The following PRKAR2A variants were observed in gnomAD, a reference collection of about 807,000 sequenced individuals.
PRKAR2A encodes the protein protein kinase cAMP-dependent type II regulatory subunit alpha, also known as cAMP-dependent protein kinase type II-alpha regulatory subunit.
In PRKAR2A, 29 loss-of-function variants were observed where a neutral mutation model predicts 51.9. The ratio of observed to expected loss-of-function variants is 0.56; its 90% CI spans 0.42 to 0.76. The LOEUF (loss-of-function observed/expected upper bound fraction) is 0.76. Ranked by LOEUF, PRKAR2A falls within the 30% of genes least tolerant of loss-of-function variation. The pLI, the probability that PRKAR2A is intolerant of heterozygous loss-of-function variation, is 0.00. For synonymous variants in PRKAR2A, 178 were observed against 186.2 expected, an observed-to-expected ratio of 0.96 and a Z score of 0.36; for missense variants, 445 against 512.1, an observed-to-expected ratio of 0.87 and a Z score of 1.26.
intron 1 of PRKAR2A, among the ~76,000 whole-genome samples, chr3:48,840,789 G>T (rs1393061331): frequency 6.7e-6 from 1 of 150,112 alleles, no homozygotes; most frequent in Non-Finnish European, 1.5e-5. Flanking sequence ...TGTTAGCCAG[G>T]ATGGTCTCAA....
chr3:48,831,619 A>AT (rs1352324253), intron 1 of PRKAR2A, among the ~76,000 whole-genome samples: 1 of 119,926 alleles, frequency 8.3e-6, no homozygotes, highest in East Asian at 3.4e-4. Flanking sequence ...TCGAAAAAAT[A>AT]TTTTTTCTTT....
chr3:48,744,945 G>A (rs2081544430), downstream of PRKAR2A, among the ~76,000 whole-genome samples: 1 of 151,582 alleles, frequency 6.6e-6, no homozygotes, highest in African/African-American at 2.4e-5. Context: ...CGCAATCTTG[G>A]TTCACTGCAA....
chr3:48,803,838 T>C (rs2082628295), intron 2 of PRKAR2A, among the ~76,000 whole-genome samples: 1 of 152,120 alleles, frequency 6.6e-6, no homozygotes, highest in Non-Finnish European at 1.5e-5. Flanking sequence ...TGAAACCTCG[T>C]TTCTACTAAA....
intron 2 of PRKAR2A, among the ~76,000 whole-genome samples, chr3:48,795,378 GA>G (rs545292165): frequency 7.9e-5 from 12 of 151,686 alleles, no homozygotes; most frequent in Admixed American, 2.6e-4. Context: ...GAAGTACAAA[GA>G]AAAAAAACCT....
intron 1 of PRKAR2A, among the ~76,000 whole-genome samples, chr3:48,833,710 C>CAAAA: frequency 1.1e-5 from 1 of 88,582 alleles, no homozygotes; most frequent in South Asian, 3.6e-4. Flanking sequence ...GACTTGGTCT[C>CAAAA]AAAAAAAAAA....
At chr3:48,774,293 T>C (rs2082073602) in intron 5 of PRKAR2A, among the ~76,000 whole-genome samples, 1 of 152,112 alleles carries the variant, frequency 6.6e-6, no homozygotes, top group Non-Finnish European at 1.5e-5. Flanking sequence ...TCATTTCATG[T>C]CCTCTCTTCT....
At position 48,751,622 on chromosome 3, in the gene PRKAR2A, A is replaced by G. The variant is rs780266948; in HGVS notation, c.1178T>C (p.Phe393Ser). ...SHYEEQLVKM[F>S]GSSVDLGNLG... ...GTTGCCCAGATCCACGCTGGAGCCAAACATCTTCACCAGCTGTTCCTCATA... is the reference window on the plus strand; with the variant it reads ...GTTGCCCAGATCCACGCTGGAGCCAGACATCTTCACCAGCTGTTCCTCATA... Residue 393 changes from phenylalanine to serine, a missense_variant, in exon 11 of 11, where the codon TTT (phenylalanine) becomes TCT (serine). Coordinates refer to ENST00000265563, the MANE Select transcript of PRKAR2A (RefSeq NM_004157.4). The G allele has an allele frequency of 3.7e-6, 6 of 1,613,710 alleles. No individual in the cohort carries two copies. The highest frequency in any genetic ancestry group is 5.1e-6 in the Non-Finnish European group (6 of 1,179,802).
At chr3:48,790,990 T>C (rs375082564) in intron 3 of PRKAR2A, among the ~76,000 whole-genome samples, 3 of 151,606 alleles carry the variant, frequency 2.0e-5, no homozygotes, top group African/African-American at 4.8e-5. Context: ...CCAGAAATAA[T>C]AGATGTTAAA....
intron 1 of PRKAR2A, among the ~76,000 whole-genome samples, chr3:48,811,416 A>G (rs1437175062): frequency 3.3e-5 from 5 of 152,314 alleles, no homozygotes; most frequent in African/African-American, 9.6e-5. Context: ...TCAAGGTTGC[A>G]GTGAACTGCA....
At chr3:48,759,690 T>C (rs1245886756) in intron 8 of PRKAR2A, among the ~76,000 whole-genome samples, 1 of 152,178 alleles carries the variant, frequency 6.6e-6, no homozygotes. Context: ...CCCGGCCAAG[T>C]ATCCTGCTTT....
chr3:48,760,790 G>A (rs1210005346), intron 8 of PRKAR2A, among the ~76,000 whole-genome samples: 2 of 148,778 alleles, frequency 1.3e-5, no homozygotes, highest in East Asian at 4.0e-4. Flanking sequence ...AGCTGAGATC[G>A]TGGCATTGCA....
chr3:48,764,375 G>A (rs1445309489), intron 8 of PRKAR2A, among the ~76,000 whole-genome samples: 1 of 152,136 alleles, frequency 6.6e-6, no homozygotes, highest in Non-Finnish European at 1.5e-5. Flanking sequence ...GTCAAATATA[G>A]AAAGTTAGAG....
intron 5 of PRKAR2A, 149 bp from the exon 6 acceptor site, chr3:48,773,257 C>A: frequency 1.7e-6 from 1 of 604,084 alleles, no homozygotes; most frequent in Non-Finnish European, 2.7e-6. Context: ...TGTATTTTGA[C>A]TTTGTACTGT....
chr3:48,768,928 A>G (rs1427200738), intron 6 of PRKAR2A, among the ~76,000 whole-genome samples: 1 of 151,888 alleles, frequency 6.6e-6, no homozygotes, highest in East Asian at 2.0e-4. Flanking sequence ...GTGAATTCCC[A>G]TCTCTACCAA....
At chr3:48,762,840 C>T (rs759983439) in intron 8 of PRKAR2A, among the ~76,000 whole-genome samples, 7 of 152,010 alleles carry the variant, frequency 4.6e-5, no homozygotes, top group African/African-American at 7.2e-5. Context: ...ACATACAACA[C>T]GAATAAATCT....
chr3:48,765,763 A>G (rs966978853), intron 6 of PRKAR2A, among the ~76,000 whole-genome samples: 6 of 148,284 alleles, frequency 4.0e-5, no homozygotes, highest in Non-Finnish European at 7.4e-5. Context: ...CACCTCACCA[A>G]AAGAGAGAAT....
At chr3:48,829,870 TA>T (rs1281195952) in intron 1 of PRKAR2A, among the ~76,000 whole-genome samples, 722 of 71,812 alleles carry the variant, frequency 0.01, 1 homozygote, top group African/African-American at 0.023. Flanking sequence ...TATATATATA[TA>T]TTTTTTTTTT....
intron 1 of PRKAR2A, among the ~76,000 whole-genome samples, chr3:48,809,622 A>AAAC (rs2082738711): frequency 6.7e-6 from 1 of 149,608 alleles, no homozygotes; most frequent in African/African-American, 2.4e-5. Context: ...AAAAAAAAAA[A>AAAC]ACTATATAGT....
At chr3:48,775,033 T>C (rs535523405) in intron 5 of PRKAR2A, among the ~76,000 whole-genome samples, 1 of 152,330 alleles carries the variant, frequency 6.6e-6, no homozygotes, top group South Asian at 2.1e-4. Flanking sequence ...TTTTTGTTGC[T>C]AGTTTACTGA....
Sources: allele counts gnomAD v4.1 joint callset (sites outside exome capture counted in the v4.1 genomes callset), GRCh38; gene constraint gnomAD v4.1.1; transcripts MANE v1.5; gene names NCBI Gene and HGNC (gene_info 2026-07-23, HGNC 2026-07-21).